Variants in INTS2 observed in about 807,000 individuals in gnomAD.
INTS2 encodes KIAA1287.
In INTS2, 57 loss-of-function variants were observed where a neutral mutation model predicts 139.6. That is an observed-to-expected ratio of 0.41 (90% CI 0.33 to 0.51). The LOEUF is 0.51. Among genes scored for constraint, INTS2 ranks in the 20% least tolerant of loss-of-function variants. INTS2 has a pLI of 0.28. For missense variants in INTS2, 1,196 were observed against 1,436.7 expected, an observed-to-expected ratio of 0.83 and a Z score of 2.71; for synonymous variants, 473 against 493.4, an observed-to-expected ratio of 0.96 and a Z score of 0.55.
chr17:61,893,706 AAT>A lies in INTS2; in HGVS notation c.1698+57_1698+58del. ...CAAGACTCCATCTCAAAAGAAAAAA[AAT>A]ATATATATAAAAATGTAGGGGCATG... On this transcript the variant is annotated intron_variant, in intron 13 of 24. Transcript: ENST00000251334. The surrounding 1 kb of genome is among the most constrained non-coding windows in gnomAD (Gnocchi z 5.4). 2.3e-6 allele frequency: 3 copies of A among 1,282,002 alleles called. No homozygotes were observed. Among genetic ancestry groups the A allele is most frequent in the South Asian group, 2.1e-5 (1 of 47,790 alleles). 79.4% of individuals were successfully genotyped at this position (1,282,002 alleles called of 1,614,324 possible).
chr17:61,904,578 C>A lies in INTS2; in HGVS notation c.1189G>T (p.Glu397Ter). ...TGCAGTAATTGCTCAGCTTCTTCTT[C>A]AGTTGGTCTAAAAAGGAATACATCA... ...LMGIAGLKPT[E>*]EEAEQLLQLM... The change falls in exon 9 of 25, where the codon GAA becomes TAA. Residue 397 changes from glutamate to a stop codon, truncating the protein, a stop_gained. Transcript: ENST00000251334. LOFTEE classifies it high-confidence loss of function. The A allele has an allele frequency of 6.2e-7, 1 of 1,609,690 alleles. No individual in the cohort carries two copies.
intron 8 of INTS2, among the ~76,000 whole-genome samples, chr17:61,905,095 G>A (rs1479102600): frequency 4.0e-5 from 6 of 151,556 alleles, no homozygotes; most frequent in Non-Finnish European, 7.4e-5. Context: ...ACAGGTATGC[G>A]CCACCATGCC....
chr17:61,892,007 G>A (rs1431313260), intron 13 of INTS2, among the ~76,000 whole-genome samples: 1 of 152,068 alleles, frequency 6.6e-6, no homozygotes, highest in African/African-American at 2.4e-5. Flanking sequence ...GTGTCGTCAT[G>A]GGAGAGCTCA....
chr17:61,885,482 T>A (rs2079218099), intron 15 of INTS2, among the ~76,000 whole-genome samples: 1 of 151,056 alleles, frequency 6.6e-6, no homozygotes, highest in Non-Finnish European at 1.5e-5. Flanking sequence ...TGGCACGATC[T>A]CAGCTCACTG....
rs2079099964 is a variant in INTS2, at chr17:61,872,853, T to C, written c.2583-393A>G. Among the ~76,000 whole-genome samples the C allele has an allele frequency of 6.6e-6, 1 of 152,150 alleles. No individual in the cohort carries two copies. Among genetic ancestry groups the C allele is most frequent in the Non-Finnish European group, 1.5e-5 (1 of 68,018 alleles). The stretch of plus-strand genomic sequence containing the variant: ...GGCTAAAATATAAAGATGAAATAAA[T>C]GGCCAGTAAATACTGTTAAATGTCC... On this transcript the variant is annotated intron_variant, in intron 19 of 24. Coordinates refer to ENST00000251334, the MANE Select transcript of INTS2 (RefSeq NM_001351695.2). This position sits in a 1 kb window ranked among gnomAD's most constrained non-coding sequence, Gnocchi z 4.8.
rs545067440 is a variant in INTS2 at position 61,870,566 on chromosome 17, G to C, written c.2779-578C>G. Among the ~76,000 whole-genome samples the C allele has an allele frequency of 2.0e-5, 3 of 152,136 alleles. No homozygotes were observed. The South Asian group carries it at 6.2e-4, about 32-fold the overall frequency. On this transcript the variant is annotated intron_variant, in intron 20 of 24. Transcript: ENST00000251334. This position sits in a 1 kb window ranked among gnomAD's most constrained non-coding sequence, Gnocchi z 4.4. ...ACAGAGCAGTAGCTTGAGGGGTAAT[G>C]GCAATATATTTGAGGCCCCTATATA...
Position 61,909,777 on chromosome 17 carries a change from G to T in INTS2, c.954+1743C>A, listed in dbSNP as rs1054450359. On this transcript the variant is annotated intron_variant, in intron 7 of 24. Coordinates refer to ENST00000251334, the MANE Select transcript of INTS2 (RefSeq NM_001351695.2). The surrounding 1 kb of genome is among the most constrained non-coding windows in gnomAD (Gnocchi z 4.9). Reference sequence around the variant, plus strand: ...TTGAGTTGTATTCCATGGTGTGTGTGTTTGTGTGTGTGTATACATATATAC... The same window carrying T: ...TTGAGTTGTATTCCATGGTGTGTGTTTTTGTGTGTGTGTATACATATATAC... 6.9e-6 allele frequency among the ~76,000 whole-genome samples: 1 copy of T among 145,172 alleles called. No homozygotes were observed. Among genetic ancestry groups the T allele is most frequent in the African/African-American group, 2.5e-5 (1 of 39,682 alleles).
intron 7 of INTS2, chr17:61,911,101 G>C (rs1220322982): frequency 2.6e-5 from 5 of 195,556 alleles, no homozygotes; most frequent in Non-Finnish European, 3.1e-5. Flanking sequence ...TTTTTTTTAA[G>C]AGATGAGGTC....
chr17:61,885,375 G>C (rs944382048), intron 15 of INTS2: 45 of 182,630 alleles, frequency 2.5e-4, no homozygotes, highest in African/African-American at 1.1e-3. Context: ...AGAGCTTCAT[G>C]ATTCCAATGC....
In INTS2 at chr17:61,867,322, A is replaced by C; in HGVS notation, c.*235T>G. 1 of 292,548 alleles carries C rather than the reference A, an allele frequency of 3.4e-6. No homozygotes were observed. Among genetic ancestry groups the C allele is most frequent in the Non-Finnish European group, 6.3e-6 (1 of 159,536 alleles). 18.1% of individuals were successfully genotyped at this position (292,548 alleles called of 1,614,324 possible). The stretch of plus-strand genomic sequence containing the variant: ...CATGTGTTCCCAGTGGAAAAAAAAA[A>C]AGCTCAGCTGCTACAATAGAAACAT... On this transcript the variant is annotated 3_prime_UTR_variant, in exon 25 of 25. Transcript: ENST00000251334. This position sits in a 1 kb window ranked among gnomAD's most constrained non-coding sequence, Gnocchi z 5.6.
At chr17:61,900,630 G>A (rs1336411186) in intron 9 of INTS2, among the ~76,000 whole-genome samples, 1 of 152,138 alleles carries the variant, frequency 6.6e-6, no homozygotes, top group Non-Finnish European at 1.5e-5. Context: ...ATGCATTAGA[G>A]GTTCTAATAT....
intron 5 of INTS2, among the ~76,000 whole-genome samples, chr17:61,918,000 G>T (rs796876604): frequency 4.6e-5 from 7 of 151,920 alleles, no homozygotes; most frequent in Non-Finnish European, 1.0e-4. Flanking sequence ...CCCAACAAAA[G>T]AGCTTTGAAA....
chr17:61,919,751 C>G (rs1411031430), intron 4 of INTS2, among the ~76,000 whole-genome samples: 1 of 152,030 alleles, frequency 6.6e-6, no homozygotes, highest in Non-Finnish European at 1.5e-5. Flanking sequence ...TTCTTTAAGA[C>G]AGGGTCTTGC....
intron 3 of INTS2, 77 bp downstream of exon 3, chr17:61,924,884 G>C: frequency 7.0e-7 from 1 of 1,437,856 alleles, no homozygotes; most frequent in Non-Finnish European, 9.6e-7. Flanking sequence ...CTGACTTCTT[G>C]TCTCTTTTTC....
intron 15 of INTS2, among the ~76,000 whole-genome samples, chr17:61,887,855 C>T (rs888161079): frequency 1.1e-4 from 16 of 151,116 alleles, no homozygotes; most frequent in African/African-American, 3.9e-4. Flanking sequence ...GAGTTCGAGA[C>T]CAGCCTGGCC....
In INTS2 at chr17:61,866,941, C is replaced by A. The variant is rs946684366; in HGVS notation, c.*616G>T. On this transcript the variant is annotated 3_prime_UTR_variant, in exon 25 of 25. Transcript: ENST00000251334. ...AGCAAATATGTGAAATCTTTAAATCCTCATCTGTATTTCCACAGAAATCAT... is the reference window on the plus strand; with the variant it reads ...AGCAAATATGTGAAATCTTTAAATCATCATCTGTATTTCCACAGAAATCAT... 17 of 152,030 alleles carry A rather than the reference C, an allele frequency of 1.1e-4. No individual in the cohort carries two copies. Among genetic ancestry groups the A allele is most frequent in the Admixed American group, 8.5e-4 (13 of 15,260 alleles). 9.4% of individuals were successfully genotyped at this position (152,030 alleles called of 1,614,324 possible). A position where few individuals can be genotyped will look rare whatever the true frequency, so the allele number is the denominator to read the frequency against.
rs2079121363 is a variant in INTS2 at position 61,875,677 on chromosome 17, C to T, written c.2457-639G>A. On this transcript the variant is annotated intron_variant, in intron 18 of 24. Transcript: ENST00000251334. This position sits in a 1 kb window ranked among gnomAD's most constrained non-coding sequence, Gnocchi z 4.6. The stretch of plus-strand genomic sequence containing the variant: ...GACTGTATAAACAAGGATCATCAGA[C>T]ACTTAAAGAAAGCTTTTACTTTGAA... Among the ~76,000 whole-genome samples the T allele has an allele frequency of 6.6e-6, 1 of 151,636 alleles. No homozygotes were observed. The highest frequency in any genetic ancestry group is 6.6e-5 in the Admixed American group (1 of 15,230).
chr17:61,907,698 TAAAAC>T, intron 7 of INTS2, 64 bp from the exon 8 acceptor site: 3 of 1,290,982 alleles, frequency 2.3e-6, no homozygotes, highest in Non-Finnish European at 3.3e-6. Flanking sequence ...AAAAGGGAGC[TAAAAC>T]ATAGCACCCC....
chr17:61,922,545 T>TATATATATAC (rs1240151659), intron 3 of INTS2, among the ~76,000 whole-genome samples: 2 of 127,060 alleles, frequency 1.6e-5, no homozygotes, highest in African/African-American at 3.3e-5. Context: ...TATATATATA[T>TATATATATAC]ACGTGTTCAA....
Sources: allele counts gnomAD v4.1 joint callset (sites outside exome capture counted in the v4.1 genomes callset), GRCh38; gene constraint gnomAD v4.1.1; non-coding constraint Gnocchi (gnomAD v3.1); transcripts MANE v1.5; gene names NCBI Gene and HGNC (gene_info 2026-07-23, HGNC 2026-07-21).